TBC1D5: variants seen among roughly 807,000 people sequenced by gnomAD.
TBC1D5 encodes the protein TBC1 domain family member 5.
TBC1D5 carries 75 observed loss-of-function variants against 100.3 expected under a neutral mutation model. That is an observed-to-expected ratio of 0.75 (90% CI 0.62 to 0.91). The LOEUF (loss-of-function observed/expected upper bound fraction) is 0.91. Among genes scored for constraint, TBC1D5 ranks in the 40% least tolerant of loss-of-function variants. TBC1D5 has a pLI of 0.00. For missense variants in TBC1D5, 910 were observed against 942.4 expected, an observed-to-expected ratio of 0.97 and a Z score of 0.45; for synonymous variants, 323 against 325.6, an observed-to-expected ratio of 0.99 and a Z score of 0.09.
At chr3:17,310,011 A>G (rs1451645189) in intron 13 of TBC1D5, among the ~76,000 whole-genome samples, 1 of 152,136 alleles carries the variant, frequency 6.6e-6, no homozygotes, top group African/African-American at 2.4e-5. Context: ...CTCTTTCCTT[A>G]CAGCTCAAAT....
chr3:17,737,559 T>C (rs1479279926), intron 1 of TBC1D5, among the ~76,000 whole-genome samples: 1 of 152,212 alleles, frequency 6.6e-6, no homozygotes, highest in African/African-American at 2.4e-5. Flanking sequence ...TTTTTTCTAA[T>C]GGCAGGCTAA....
At chr3:17,332,869 AAG>A (rs1575383432) in intron 13 of TBC1D5, among the ~76,000 whole-genome samples, 1 of 152,238 alleles carries the variant, frequency 6.6e-6, no homozygotes, top group East Asian at 1.9e-4. Flanking sequence ...TGGTGGATTT[AAG>A]AGAGAGTGGA....
chr3:17,695,097 C>T (rs1464019315), intron 1 of TBC1D5, among the ~76,000 whole-genome samples: 1 of 152,118 alleles, frequency 6.6e-6, no homozygotes, highest in African/African-American at 2.4e-5. Context: ...CTGAAGGAAG[C>T]ACTAAACACG....
At chr3:17,250,684 C>G (rs1324004936) in intron 16 of TBC1D5, among the ~76,000 whole-genome samples, 1 of 152,216 alleles carries the variant, frequency 6.6e-6, no homozygotes, top group Non-Finnish European at 1.5e-5. Flanking sequence ...TCAGTCTGTT[C>G]AAATAGCATC....
intron 1 of TBC1D5, among the ~76,000 whole-genome samples, chr3:17,686,313 A>T (rs938223637): frequency 1.3e-5 from 2 of 152,172 alleles, no homozygotes; most frequent in Admixed American, 6.6e-5. Flanking sequence ...CCCATAGTAT[A>T]GCATTCTTTA....
chr3:17,253,816 G>C (rs2348004), intron 16 of TBC1D5, among the ~76,000 whole-genome samples: 1 of 151,996 alleles, frequency 6.6e-6, no homozygotes, highest in Non-Finnish European at 1.5e-5. Flanking sequence ...ATATCAGTAT[G>C]CTTAACCCTT....
intron 1 of TBC1D5, among the ~76,000 whole-genome samples, chr3:17,715,812 G>C (rs2075177650): frequency 1.3e-5 from 2 of 151,010 alleles, no homozygotes; most frequent in Non-Finnish European, 3.0e-5. Flanking sequence ...TTAAAAAAAA[G>C]GGGGGGGAGG....
chr3:17,423,942 C>T (rs957285821), intron 4 of TBC1D5, among the ~76,000 whole-genome samples: 7 of 151,930 alleles, frequency 4.6e-5, no homozygotes, highest in African/African-American at 1.7e-4. Flanking sequence ...GCCAAGTTTA[C>T]CACAAATTTT....
intron 2 of TBC1D5, among the ~76,000 whole-genome samples, chr3:17,516,821 T>C (rs1306382149): frequency 6.6e-6 from 1 of 152,080 alleles, no homozygotes; most frequent in Non-Finnish European, 1.5e-5. Context: ...CTTTAAGAGG[T>C]CCTAAATTCA....
intron 3 of TBC1D5, among the ~76,000 whole-genome samples, chr3:17,442,236 C>T (rs763794243): frequency 6.6e-6 from 1 of 152,046 alleles, no homozygotes; most frequent in Non-Finnish European, 1.5e-5. Context: ...TTTTTCCCTT[C>T]TTTTTTCATT....
intron 1 of TBC1D5, among the ~76,000 whole-genome samples, chr3:17,693,698 G>A (rs979494474): frequency 3.3e-5 from 5 of 152,170 alleles, no homozygotes; most frequent in African/African-American, 7.2e-5. Flanking sequence ...AGATTTAAAC[G>A]TCCCTGTCTG....
chr3:17,477,955 A>C (rs2095457788), intron 3 of TBC1D5, among the ~76,000 whole-genome samples: 1 of 152,098 alleles, frequency 6.6e-6, no homozygotes, highest in Non-Finnish European at 1.5e-5. Context: ...ACCAGTTCAT[A>C]ATTCTGAATG....
upstream of TBC1D5, among the ~76,000 whole-genome samples, chr3:17,741,766 T>A (rs1443120878): frequency 6.8e-6 from 1 of 147,752 alleles, no homozygotes; most frequent in Non-Finnish European, 1.5e-5. Flanking sequence ...CCAGGAAAAG[T>A]CGGGGTGGGG....
At chr3:17,582,498 G>A (rs140427478) in intron 2 of TBC1D5, among the ~76,000 whole-genome samples, 28 of 152,152 alleles carry the variant, frequency 1.8e-4, no homozygotes, top group African/African-American at 6.7e-4. Context: ...AAACAGTACA[G>A]CTAACTCAGT....
intron 1 of TBC1D5, among the ~76,000 whole-genome samples, chr3:17,733,552 A>T (rs778209712): frequency 6.6e-6 from 1 of 152,182 alleles, no homozygotes; most frequent in African/African-American, 2.4e-5. Context: ...CATTACCAGG[A>T]ATCTTTTGAC....
At chr3:17,312,935 CCTT>C (rs1254582277) in intron 13 of TBC1D5, among the ~76,000 whole-genome samples, 6 of 152,244 alleles carry the variant, frequency 3.9e-5, no homozygotes, top group East Asian at 1.9e-4. Flanking sequence ...TTTTCTCTCT[CCTT>C]CTCTCTCTCA....
At chr3:17,460,227 A>G (rs2095176233) in intron 3 of TBC1D5, among the ~76,000 whole-genome samples, 1 of 152,236 alleles carries the variant, frequency 6.6e-6, no homozygotes, top group Non-Finnish European at 1.5e-5. Context: ...ACATGTAACA[A>G]AAACTACCTG....
rs573762346 is a variant in TBC1D5 at position 17,463,702 on chromosome 3, G to A, written c.98-35183C>T. Among the ~76,000 whole-genome samples, 19 of 152,144 alleles carry A rather than the reference G, an allele frequency of 1.2e-4. No individual in the cohort carries two copies. The East Asian group carries it at 3.3e-3, about 26-fold the overall frequency. On this transcript the variant is annotated intron_variant, in intron 3 of 21. Transcript: ENST00000253692. ...ATATCAGGCCACATTGGAGCCCAAG[G>A]CTAAAGAAAAGTCAGTAATAATGAT...
chr3:17,359,378 T>C (rs956071281), intron 13 of TBC1D5, among the ~76,000 whole-genome samples: 2 of 152,058 alleles, frequency 1.3e-5, no homozygotes, highest in Non-Finnish European at 2.9e-5. Flanking sequence ...AAAGAAGTAA[T>C]AGTGAGAAGA....
Sources: allele counts gnomAD v4.1 joint callset (sites outside exome capture counted in the v4.1 genomes callset), GRCh38; gene constraint gnomAD v4.1.1; transcripts MANE v1.5; gene names NCBI Gene and HGNC (gene_info 2026-07-23, HGNC 2026-07-21).